TENM4: variants seen among roughly 807,000 people sequenced by gnomAD.
TENM4 encodes teneurin transmembrane protein 4.
In TENM4, 82 loss-of-function variants were observed where a neutral mutation model predicts 243.3. The observed-to-expected ratio is 0.34, with a 90% CI of 0.28 to 0.40. The LOEUF is 0.40. TENM4 is among the 10% of genes least tolerant of loss of function. The pLI is 1.00. For synonymous variants in TENM4, 1,412 were observed against 1,456.3 expected, an observed-to-expected ratio of 0.97 and a Z score of 0.69; for missense variants, 3,138 against 3,673.3, an observed-to-expected ratio of 0.85 and a Z score of 3.77.
At chr11:78,757,126 A>C in intron 18 of TENM4, 105 bp from the exon 19 acceptor site, 1 of 1,242,528 alleles carries the variant, frequency 8.0e-7, no homozygotes. Context: ...TCATTCAAAA[A>C]CTTTATTAAA....
At chr11:79,074,920 G>A (rs1466440183) in intron 4 of TENM4, among the ~76,000 whole-genome samples, 1 of 152,154 alleles carries the variant, frequency 6.6e-6, no homozygotes, top group Non-Finnish European at 1.5e-5. Flanking sequence ...TGTTGCTACA[G>A]CCCAGGCGTC....
At chr11:79,312,117 T>A (rs952227291) in intron 1 of TENM4, among the ~76,000 whole-genome samples, 4 of 152,120 alleles carry the variant, frequency 2.6e-5, no homozygotes, top group Non-Finnish European at 4.4e-5. Flanking sequence ...GCTTCCCTAT[T>A]AAGCTGGCCT....
At chr11:78,872,277 G>A (rs149123003) in intron 9 of TENM4, among the ~76,000 whole-genome samples, 8 of 152,294 alleles carry the variant, frequency 5.3e-5, no homozygotes, top group African/African-American at 1.9e-4. Context: ...AACAGGGCAA[G>A]CATTCTAGGA....
At chr11:78,977,669 A>G (rs1448223666) in intron 6 of TENM4, among the ~76,000 whole-genome samples, 1 of 152,250 alleles carries the variant, frequency 6.6e-6, no homozygotes, top group Non-Finnish European at 1.5e-5. Context: ...ATCTCACGCC[A>G]GTTAGAATGG....
chr11:78,710,123 G>A (rs1205059875), intron 26 of TENM4, among the ~76,000 whole-genome samples: 3 of 152,250 alleles, frequency 2.0e-5, no homozygotes, highest in Non-Finnish European at 2.9e-5. Flanking sequence ...GGGTCAGGAA[G>A]CCTTCACCAA....
Position 79,438,322 on chromosome 11 carries a change from T to A in TENM4, c.-321+2187A>T, listed in dbSNP as rs1449356739. 1.3e-5 allele frequency among the ~76,000 whole-genome samples: 2 copies of A among 152,190 alleles called. No homozygotes were observed. The highest frequency in any genetic ancestry group is 4.8e-5 in the African/African-American group (2 of 41,432). ...AAGCCCATCAACGTGATACACAGGC[T>A]GCGGCGCTGGAGGGAAGCGGCGAAA... On this transcript the variant is annotated intron_variant, in intron 1 of 33. Coordinates refer to ENST00000278550, the MANE Select transcript of TENM4 (RefSeq NM_001098816.3). This position sits in a 1 kb window ranked among gnomAD's most constrained non-coding sequence, Gnocchi z 4.1.
At chr11:79,114,626 T>G (rs1386788100) in intron 4 of TENM4, among the ~76,000 whole-genome samples, 1 of 152,256 alleles carries the variant, frequency 6.6e-6, no homozygotes, top group African/African-American at 2.4e-5. Context: ...GAAGCAGCCA[T>G]GCTTGGTTGA....
chr11:79,333,004 A>G (rs2135447644), intron 1 of TENM4, among the ~76,000 whole-genome samples: 1 of 152,296 alleles, frequency 6.6e-6, no homozygotes, highest in Non-Finnish European at 1.5e-5. Flanking sequence ...ATAGCAGGGG[A>G]ACAAGGTAGA....
At chr11:78,999,679 T>C (rs1453161218) in intron 6 of TENM4, among the ~76,000 whole-genome samples, 5 of 151,990 alleles carry the variant, frequency 3.3e-5, no homozygotes, top group East Asian at 1.9e-4. Flanking sequence ...TTACAAGACA[T>C]GCATACAAAG....
At chr11:79,409,291 T>G (rs1457630530) in intron 1 of TENM4, among the ~76,000 whole-genome samples, 1 of 151,868 alleles carries the variant, frequency 6.6e-6, no homozygotes, top group Non-Finnish European at 1.5e-5. Context: ...CTTGGGCACA[T>G]TTTAGAGCTG....
chr11:78,885,098 C>T (rs779014303), intron 9 of TENM4, among the ~76,000 whole-genome samples: 1 of 152,148 alleles, frequency 6.6e-6, no homozygotes, highest in Admixed American at 6.5e-5. Context: ...AAATGCTATA[C>T]AATAAAGCAT....
intron 1 of TENM4, among the ~76,000 whole-genome samples, chr11:79,299,551 T>C (rs1321901496): frequency 6.6e-6 from 1 of 152,128 alleles, no homozygotes; most frequent in Non-Finnish European, 1.5e-5. Context: ...TCGATACTTA[T>C]TTACATTCCC....
intron 4 of TENM4, among the ~76,000 whole-genome samples, chr11:79,109,804 T>A (rs904484534): frequency 6.6e-6 from 1 of 152,210 alleles, no homozygotes; most frequent in Non-Finnish European, 1.5e-5. Flanking sequence ...GAATCCTACC[T>A]CTGTCACTCA....
At chr11:79,433,117 A>AT (rs1182711756) in intron 1 of TENM4, among the ~76,000 whole-genome samples, 1 of 152,240 alleles carries the variant, frequency 6.6e-6, no homozygotes, top group Non-Finnish European at 1.5e-5. Flanking sequence ...CATTCTACAA[A>AT]TATAAGCAAC....
At chr11:78,943,622 A>G (rs1368217365) in intron 6 of TENM4, among the ~76,000 whole-genome samples, 1 of 152,186 alleles carries the variant, frequency 6.6e-6, no homozygotes, top group Non-Finnish European at 1.5e-5. Flanking sequence ...ATATTTAAAA[A>G]CCATTTTTTT....
chr11:79,416,583 T>C (rs1322803827), intron 1 of TENM4, among the ~76,000 whole-genome samples: 2 of 152,352 alleles, frequency 1.3e-5, no homozygotes, highest in African/African-American at 4.8e-5. Context: ...GGTACAACCC[T>C]ACTATGTGAC....
At chr11:78,796,940 A>AT (rs1857173364) in intron 15 of TENM4, among the ~76,000 whole-genome samples, 1 of 152,140 alleles carries the variant, frequency 6.6e-6, no homozygotes. Context: ...TTCCCTGACC[A>AT]TTGGTTGAGA....
intron 15 of TENM4, among the ~76,000 whole-genome samples, chr11:78,798,931 C>G (rs1394410375): frequency 6.6e-6 from 1 of 152,186 alleles, no homozygotes; most frequent in Admixed American, 6.5e-5. Flanking sequence ...TCTGCTCATG[C>G]TGAATAATTA....
intron 1 of TENM4, among the ~76,000 whole-genome samples, chr11:79,411,794 G>A (rs1028041722): frequency 3.9e-5 from 6 of 152,152 alleles, no homozygotes; most frequent in Non-Finnish European, 7.4e-5. Context: ...CAGAGTGGAT[G>A]GGATGTTTCA....
Sources: allele counts gnomAD v4.1 joint callset (sites outside exome capture counted in the v4.1 genomes callset), GRCh38; gene constraint gnomAD v4.1.1; non-coding constraint Gnocchi (gnomAD v3.1); transcripts MANE v1.5; gene names NCBI Gene and HGNC (gene_info 2026-07-23, HGNC 2026-07-21).